KCNQ2: variants seen among roughly 807,000 people sequenced by gnomAD.
KCNQ2 encodes the protein potassium voltage-gated channel subfamily Q member 2.
KCNQ2 carries 14 observed loss-of-function variants against 84.8 expected under a neutral mutation model. The ratio of observed to expected loss-of-function variants is 0.17; its 90% CI spans 0.11 to 0.26. The LOEUF (loss-of-function observed/expected upper bound fraction) is 0.26, where lower values mean the gene tolerates loss of function less well. Among genes scored for constraint, KCNQ2 ranks in the 10% least tolerant of loss-of-function variants. The pLI is 1.00. For missense variants in KCNQ2, 788 were observed against 1,254.0 expected (o/e 0.63, Z 5.61); for synonymous variants, 599 against 554.1 (o/e 1.08, Z -1.14).
intron 8 of KCNQ2, among the ~76,000 whole-genome samples, chr20:63,432,386 C>T (rs1183723855): frequency 7.0e-6 from 1 of 143,286 alleles, no homozygotes; most frequent in African/African-American, 2.6e-5. Context: ...TCTGGGAAGG[C>T]CCCACCCACA....
intron 1 of KCNQ2, among the ~76,000 whole-genome samples, chr20:63,461,925 T>C (rs550977715): frequency 1.8e-4 from 18 of 102,658 alleles, no homozygotes; most frequent in South Asian, 4.1e-4. Context: ...AGGCTGCACC[T>C]ACCCCAGGGA....
In KCNQ2 at chr20:63,446,163, G is replaced by T. The variant is rs890170475; in HGVS notation, c.387+584C>A. The T allele has an allele frequency of 1.1e-5, 3 of 270,386 alleles. No individual in the cohort carries two copies. Among genetic ancestry groups the T allele is most frequent in the Non-Finnish European group, 2.2e-5 (3 of 138,924 alleles). The allele number at this position is 270,386 out of a possible 1,614,324, so 16.7% of individuals were successfully genotyped here. ...CACAGCAGGGCTGAGCTGAGGGAAG[G>T]CCCCAGGTAACTGCAAAGGGGGCCA... On this transcript the variant is annotated intron_variant, in intron 2 of 16. Coordinates refer to ENST00000359125, the MANE Select transcript of KCNQ2 (RefSeq NM_172107.4). This position sits in a 1 kb window ranked among gnomAD's most constrained non-coding sequence, Gnocchi z 5.5.
chr20:63,434,143 T>C (rs1323006319), intron 7 of KCNQ2: 4 of 549,466 alleles, frequency 7.3e-6, no homozygotes, highest in Non-Finnish European at 1.3e-5. Context: ...AGGGGAGCGG[T>C]TGGGGCTTGA....
chr20:63,453,985 G>A (rs1054244913), intron 1 of KCNQ2, among the ~76,000 whole-genome samples: 20 of 152,116 alleles, frequency 1.3e-4, no homozygotes, highest in Non-Finnish European at 5.9e-5. Flanking sequence ...TAAAAAAAAC[G>A]AGGCCCAGGT....
chr20:63,471,413 C>A (rs2082210906), intron 1 of KCNQ2, among the ~76,000 whole-genome samples: 1 of 152,244 alleles, frequency 6.6e-6, no homozygotes, highest in African/African-American at 2.4e-5. Flanking sequence ...GAGGGGACAG[C>A]CCCTTCCAGG....
rs368387020 is a variant in KCNQ2 at position 63,401,072 on chromosome 20, T to C, written c.*5572A>G. 53 of 392,428 alleles carry C rather than the reference T, an allele frequency of 1.4e-4. No homozygotes were observed. The highest frequency in any genetic ancestry group is 1.2e-3 in the East Asian group (32 of 27,668). The allele number at this position is 392,428 out of a possible 1,614,324, so 24.3% of individuals were successfully genotyped here. On this transcript the variant is annotated 3_prime_UTR_variant, in exon 17 of 17. Coordinates refer to ENST00000359125, the MANE Select transcript of KCNQ2 (RefSeq NM_172107.4). ...TGGCGCCTGGCCGAGAGTCAGACGC[T>C]GAGGACCTCTCAGGACGGGGCCCCT... is the stretch of plus-strand genomic sequence containing the variant.
chr20:63,433,018 C>T (rs1371961792), intron 8 of KCNQ2, among the ~76,000 whole-genome samples: 1 of 152,174 alleles, frequency 6.6e-6, no homozygotes, highest in Non-Finnish European at 1.5e-5. Flanking sequence ...CAAGGTGGTG[C>T]CCACACAGAC....
At position 63,456,596 on chromosome 20, in the gene KCNQ2, G is replaced by C. The variant is rs992464208; in HGVS notation, c.297-9759C>G. Among the ~76,000 whole-genome samples the C allele has an allele frequency of 1.2e-3, 189 of 152,288 alleles. 2 individuals carry two copies. Among genetic ancestry groups the C allele is most frequent in the Non-Finnish European group, 4.0e-4 (27 of 68,016 alleles). On this transcript the variant is annotated intron_variant, in intron 1 of 16. Transcript: ENST00000359125. Reference sequence around the variant, plus strand: ...GGTCAGGAGGGGCCCCTGACATCAAGACCCCACTCCCACTCCACGGGCTAA... The same window carrying C: ...GGTCAGGAGGGGCCCCTGACATCAACACCCCACTCCCACTCCACGGGCTAA...
In KCNQ2 at chr20:63,438,045, TGATCCTC is replaced by T. The variant is rs2081056690; in HGVS notation, c.1023+573_1023+579del. ...GGCTGGTCTTGATTTCCTGACCTCG[TGATCCTC>T]CCACCTCGGCCTCCCAAAGTGCTGG... On this transcript the variant is annotated intron_variant, in intron 7 of 16. Coordinates refer to ENST00000359125, the MANE Select transcript of KCNQ2 (RefSeq NM_172107.4). The surrounding 1 kb of genome is among the most constrained non-coding windows in gnomAD (Gnocchi z 5.1). Among the ~76,000 whole-genome samples, 1 of 152,188 alleles carries T rather than the reference TGATCCTC, an allele frequency of 6.6e-6. No homozygotes were observed. Among genetic ancestry groups the T allele is most frequent in the African/African-American group, 2.4e-5 (1 of 41,462 alleles).
chr20:63,454,363 G>A (rs995215062), intron 1 of KCNQ2, among the ~76,000 whole-genome samples: 3 of 152,242 alleles, frequency 2.0e-5, no homozygotes, highest in Admixed American at 6.5e-5. Flanking sequence ...AGATGGCACA[G>A]ATGGCGCTGC....
rs1426709866 is a variant in KCNQ2 at position 63,407,168 on chromosome 20, T to C, written c.2095A>G (p.Lys699Glu). The change falls in exon 17 of 17, where the codon AAG (lysine) becomes GAG (glutamate). Residue 699 changes from lysine to glutamate, a missense_variant. Around this residue, in one of 8 missense-constraint regions of KCNQ2, gnomAD observed 378 missense variants for 434.5 expected, o/e 0.87. Transcript: ENST00000359125. This position sits in a 1 kb window ranked among gnomAD's most constrained non-coding sequence, Gnocchi z 7.2. ...GCGGCCGGGGGCGCCGAGAAGTTCT[T>C]CTGGCCCGTGGAGCTGCTGGAGCGC... ...IVRSSSSTGQ[K>E]NFSAPPAAPP... 1 of 1,602,006 alleles carries C rather than the reference T, an allele frequency of 6.2e-7. No homozygotes were observed. Among genetic ancestry groups the C allele is most frequent in the Non-Finnish European group, 8.5e-7 (1 of 1,177,244 alleles).
intron 15 of KCNQ2, among the ~76,000 whole-genome samples, chr20:63,410,552 A>G (rs1466185697): frequency 6.6e-6 from 1 of 152,066 alleles, no homozygotes; most frequent in Non-Finnish European, 1.5e-5. Flanking sequence ...CCCAGGGCAC[A>G]GCACTCTTGG....
chr20:63,441,606 C>T (rs990580748), intron 5 of KCNQ2, among the ~76,000 whole-genome samples: 32 of 152,282 alleles, frequency 2.1e-4, no homozygotes, highest in African/African-American at 6.3e-4. Context: ...CAGCTCAGGA[C>T]GCCCCGGGCC....
At position 63,462,270 on chromosome 20, in the gene KCNQ2, G is replaced by C. The variant is rs538173810; in HGVS notation, c.296+9898C>G. On this transcript the variant is annotated intron_variant, in intron 1 of 16. Transcript: ENST00000359125. ...GAGGCAGCACCTACCCCAGGCAGCA[G>C]GGAGGAGGCTGCACCTACCCCAGGC... Among the ~76,000 whole-genome samples the C allele has an allele frequency of 4.6e-3, 687 of 148,244 alleles. 1 individual carries two copies. Among genetic ancestry groups the C allele is most frequent in the Non-Finnish European group, 8.3e-3 (553 of 66,884 alleles).
At chr20:63,428,339 C>T (rs1452482414) in intron 10 of KCNQ2, 28 bp downstream of exon 10, 1 of 1,539,086 alleles carries the variant, frequency 6.5e-7, no homozygotes, top group Non-Finnish European at 8.8e-7. Flanking sequence ...AGACGCCCAC[C>T]CGCCCCACCT....
Position 63,438,560 on chromosome 20 carries a change from C to T in KCNQ2, c.1023+65G>A. 1 of 1,391,638 alleles carries T rather than the reference C, an allele frequency of 7.2e-7. No homozygotes were observed. 86.2% of individuals were successfully genotyped at this position (1,391,638 alleles called of 1,614,324 possible). A position where few individuals can be genotyped will look rare whatever the true frequency, so the allele number is the denominator to read the frequency against. ...GCAATGCCAAAGCCCCAGCGGCCTC[C>T]ACTCCTCAACAAGGTGGGACCAGGA... On this transcript the variant is annotated intron_variant, in intron 7 of 16. Coordinates refer to ENST00000359125, the MANE Select transcript of KCNQ2 (RefSeq NM_172107.4). This position sits in a 1 kb window ranked among gnomAD's most constrained non-coding sequence, Gnocchi z 5.1.
chr20:63,409,028 GCC>G (rs2080032436), intron 15 of KCNQ2, among the ~76,000 whole-genome samples: 1 of 152,218 alleles, frequency 6.6e-6, no homozygotes, highest in African/African-American at 2.4e-5. Context: ...GAAGCCGTCG[GCC>G]CCACCGGGTC....
At chr20:63,433,605 G>C in intron 8 of KCNQ2, 3 of 944,058 alleles carry the variant, frequency 3.2e-6, no homozygotes, top group East Asian at 2.6e-5. Flanking sequence ...GTGAGGAAAT[G>C]AAAGTGAAGA....
At chr20:63,442,719 C>CCACCACCACCACCATCACCACCAT in intron 4 of KCNQ2, among the ~76,000 whole-genome samples, 188 bp from the exon 5 acceptor site, 1 of 38,418 alleles carries the variant, frequency 2.6e-5, no homozygotes, top group South Asian at 1.0e-3. Flanking sequence ...ACCACCACCA[C>CCACCACCACCACCATCACCACCAT]CACCATCATC....
Sources: allele counts gnomAD v4.1 joint callset (sites outside exome capture counted in the v4.1 genomes callset), GRCh38; gene constraint gnomAD v4.1.1; regional missense constraint gnomAD v4.1.1; non-coding constraint Gnocchi (gnomAD v3.1); transcripts MANE v1.5; gene names NCBI Gene and HGNC (gene_info 2026-07-23, HGNC 2026-07-21).